TMEM163: variants seen among roughly 807,000 people sequenced by gnomAD.
The protein encoded by TMEM163 is transmembrane protein 163.
TMEM163 carries 17 observed loss-of-function variants against 29.3 expected under a neutral mutation model. That is an observed-to-expected ratio of 0.58 (90% CI 0.40 to 0.87). The LOEUF (loss-of-function observed/expected upper bound fraction) is 0.87. Among genes scored for constraint, TMEM163 ranks in the 40% least tolerant of loss-of-function variants. The pLI is 0.00. For synonymous variants in TMEM163, 157 were observed against 160.6 expected (o/e 0.98, Z 0.17); for missense variants, 303 against 381.5 (o/e 0.79, Z 1.71).
intron 2 of TMEM163, among the ~76,000 whole-genome samples, chr2:134,630,362 A>AG (rs1044641618): frequency 6.3e-4 from 95 of 151,276 alleles, no homozygotes; most frequent in African/African-American, 2.0e-3. Context: ...TCCAAAAAGA[A>AG]AAAAAAAAAC....
chr2:134,528,637 AG>A (rs1452502087), intron 4 of TMEM163, among the ~76,000 whole-genome samples: 2 of 152,242 alleles, frequency 1.3e-5, no homozygotes, highest in Non-Finnish European at 2.9e-5. Flanking sequence ...AGTGAAAAAA[AG>A]TTGTAATGAT....
At chr2:134,521,709 A>C (rs1420803645) in intron 4 of TMEM163, among the ~76,000 whole-genome samples, 4 of 152,188 alleles carry the variant, frequency 2.6e-5, no homozygotes, top group Admixed American at 2.6e-4. Flanking sequence ...TGGTGAACTC[A>C]CAGAAAGGCC....
At chr2:134,502,198 G>A (rs1319619292) in intron 5 of TMEM163, among the ~76,000 whole-genome samples, 1 of 152,190 alleles carries the variant, frequency 6.6e-6, no homozygotes, top group Non-Finnish European at 1.5e-5. Context: ...GAGGAGACCA[G>A]ATTTTGCATT....
At chr2:134,531,341 C>T (rs1190655546) in intron 4 of TMEM163, among the ~76,000 whole-genome samples, 1 of 152,186 alleles carries the variant, frequency 6.6e-6, no homozygotes, top group Non-Finnish European at 1.5e-5. Context: ...AGATTTTCCC[C>T]ACACACTAAG....
chr2:134,648,597 A>G (rs1038328216), intron 2 of TMEM163, among the ~76,000 whole-genome samples: 5 of 152,154 alleles, frequency 3.3e-5, no homozygotes, highest in African/African-American at 1.2e-4. Context: ...TGGAAAAAGA[A>G]CCATCATCCA....
chr2:134,480,761 T>C (rs1687033980), intron 5 of TMEM163, among the ~76,000 whole-genome samples: 1 of 152,084 alleles, frequency 6.6e-6, no homozygotes, highest in Non-Finnish European at 1.5e-5. Context: ...ATTTGGCAAG[T>C]CACAGGAATA....
chr2:134,549,104 A>T (rs866286718), intron 4 of TMEM163, among the ~76,000 whole-genome samples: 2,689 of 54,772 alleles, frequency 0.049, 66 homozygotes, highest in African/African-American at 0.26. Context: ...TTAATTTGTT[A>T]AAAAAAAAAA....
At chr2:134,485,521 G>C (rs989037655) in intron 5 of TMEM163, among the ~76,000 whole-genome samples, 2 of 152,166 alleles carry the variant, frequency 1.3e-5, no homozygotes. Context: ...GGCCCAACCA[G>C]CAAGAAGGGT....
chr2:134,469,811 TGA>T (rs1432270568), intron 5 of TMEM163: 1 of 152,434 alleles, frequency 6.6e-6, no homozygotes, highest in Non-Finnish European at 1.5e-5. Flanking sequence ...TCATGGAGGC[TGA>T]GACAGTGAGG....
Position 134,545,401 on chromosome 2 carries a change from C to T in TMEM163, c.458+5169G>A, listed in dbSNP as rs1680757994. Among the ~76,000 whole-genome samples the T allele has an allele frequency of 1.3e-5, 2 of 152,218 alleles. 1 individual carries two copies. The highest frequency in any genetic ancestry group is 4.8e-5 in the African/African-American group (2 of 41,458). On this transcript the variant is annotated intron_variant, in intron 4 of 7. Transcript: ENST00000281924. The stretch of plus-strand genomic sequence containing the variant: ...AGCTGTTCTCTGAGGAAGCTGCTTT[C>T]CCTGCCTTTGCAGTAGAGGCTGCTT...
chr2:134,685,093 TC>T (rs1410917820), intron 2 of TMEM163, among the ~76,000 whole-genome samples: 1 of 152,042 alleles, frequency 6.6e-6, no homozygotes, highest in East Asian at 1.9e-4. Flanking sequence ...CTCCAAACCC[TC>T]CCTTGGGTGC....
intron 4 of TMEM163, among the ~76,000 whole-genome samples, chr2:134,511,729 G>A (rs1470362008): frequency 6.6e-6 from 1 of 152,204 alleles, no homozygotes; most frequent in African/African-American, 2.4e-5. Flanking sequence ...GGTACTCTCA[G>A]GGTAAACCTG....
intron 4 of TMEM163, among the ~76,000 whole-genome samples, chr2:134,536,841 C>A (rs1680552688): frequency 6.6e-6 from 1 of 152,120 alleles, no homozygotes; most frequent in African/African-American, 2.4e-5. Flanking sequence ...CTGTAAGAGC[C>A]ATAGCTCTAG....
At position 134,650,522 on chromosome 2, in the gene TMEM163, TTG is replaced by T. The variant is rs887560059; in HGVS notation, c.322+62676_322+62677del. Among the ~76,000 whole-genome samples the T allele has an allele frequency of 1.4e-4, 12 of 87,686 alleles. 1 individual carries two copies. Among genetic ancestry groups the T allele is most frequent in the Non-Finnish European group, 2.9e-4 (12 of 40,906 alleles). 57.5% of individuals were successfully genotyped at this position (87,686 alleles called of 152,430 possible). On this transcript the variant is annotated intron_variant, in intron 2 of 7. Coordinates refer to ENST00000281924, the MANE Select transcript of TMEM163 (RefSeq NM_030923.5). ...CTATTTCTTTTTTTTGTTTGTTTGT[TTG>T]TTTGTTTGTTTTGTTTTTTGTTTTT...
intron 2 of TMEM163, among the ~76,000 whole-genome samples, chr2:134,647,980 A>G (rs1683373137): frequency 6.6e-6 from 1 of 152,196 alleles, no homozygotes; most frequent in South Asian, 2.1e-4. Flanking sequence ...CTGTCCACAG[A>G]TGGCTTAAGT....
intron 6 of TMEM163, among the ~76,000 whole-genome samples, chr2:134,462,278 A>C (rs1686560897): frequency 6.7e-6 from 1 of 150,062 alleles, no homozygotes; most frequent in Admixed American, 6.6e-5. Flanking sequence ...CATCCCCTCC[A>C]CTCCCCAGGC....
chr2:134,525,994 G>A (rs1680286124), intron 4 of TMEM163, among the ~76,000 whole-genome samples: 1 of 152,208 alleles, frequency 6.6e-6, no homozygotes, highest in South Asian at 2.1e-4. Flanking sequence ...CTGTTGGAAG[G>A]GATTTCAGCA....
At chr2:134,512,582 C>A (rs1014299301) in intron 4 of TMEM163, among the ~76,000 whole-genome samples, 1 of 152,190 alleles carries the variant, frequency 6.6e-6, no homozygotes, top group Non-Finnish European at 1.5e-5. Flanking sequence ...TCCAAAGGCA[C>A]GCCAGAATTC....
chr2:134,516,751 A>ATG (rs1427321659), intron 4 of TMEM163, among the ~76,000 whole-genome samples: 34 of 112,938 alleles, frequency 3.0e-4, no homozygotes, highest in Non-Finnish European at 4.6e-4. Flanking sequence ...GCATATATAT[A>ATG]TGAATAGATA....
Sources: gnomAD v4.1 joint callset for allele counts (sites outside exome capture counted in the v4.1 genomes callset) on GRCh38, gnomAD v4.1.1 for gene constraint, MANE v1.5 for transcripts, NCBI Gene and HGNC (gene_info 2026-07-23, HGNC 2026-07-21) for gene names.